SMIM14: variants seen among roughly 807,000 people sequenced by gnomAD.
SMIM14 encodes the protein chromosome 4 open reading frame 34.
SMIM14 carries 5 observed loss-of-function variants against 12.6 expected under a neutral mutation model. That is an observed-to-expected ratio of 0.40 (90% CI 0.21 to 0.83). The LOEUF is 0.83. Among genes scored for constraint, SMIM14 ranks in the 40% least tolerant of loss-of-function variants. The probability of loss-of-function intolerance (pLI) is 0.37; values close to 1 mark genes in which losing one functional copy is unlikely to be tolerated. For synonymous variants in SMIM14, 30 were observed against 40.1 expected, an observed-to-expected ratio of 0.75 and a Z score of 0.95; for missense variants, 86 against 119.1, an observed-to-expected ratio of 0.72 and a Z score of 1.29.
intron 2 of SMIM14, chr4:39,594,719 C>T (rs1714280263): frequency 6.8e-6 from 1 of 147,754 alleles, no homozygotes; most frequent in African/African-American, 2.5e-5. Context: ...AAAAAACAAA[C>T]AACCCCATCA....
At chr4:39,592,214 A>AT (rs1714139666) in intron 2 of SMIM14, among the ~76,000 whole-genome samples, 1 of 151,858 alleles carries the variant, frequency 6.6e-6, no homozygotes, top group Admixed American at 6.6e-5. Context: ...ATAAAGGAAA[A>AT]ATATAGATAG....
At chr4:39,564,820 C>T (rs981751093) in intron 3 of SMIM14, among the ~76,000 whole-genome samples, 2 of 152,140 alleles carry the variant, frequency 1.3e-5, no homozygotes, top group African/African-American at 2.4e-5. Flanking sequence ...CAAGGAACAG[C>T]GAGAACTCCT....
intron 2 of SMIM14, among the ~76,000 whole-genome samples, chr4:39,598,746 T>C (rs1267136474): frequency 6.6e-6 from 1 of 152,182 alleles, no homozygotes; most frequent in African/African-American, 2.4e-5. Flanking sequence ...TTTCAAAACT[T>C]GTTTACAGTT....
chr4:39,561,631 A>C (rs7698470), intron 3 of SMIM14, among the ~76,000 whole-genome samples: 30,075 of 151,786 alleles, frequency 0.2, 3,573 homozygotes, highest in South Asian at 0.42. Flanking sequence ...TCTTTTTTAG[A>C]ATCTCACGCC....
At chr4:39,595,975 A>G (rs569711414) in intron 2 of SMIM14, among the ~76,000 whole-genome samples, 1 of 152,056 alleles carries the variant, frequency 6.6e-6, no homozygotes, top group Non-Finnish European at 1.5e-5. Flanking sequence ...TTTTTAGGTT[A>G]ATTATTTGAG....
In SMIM14 at chr4:39,549,930, A is replaced by G. The variant is rs1173290534; in HGVS notation, c.*2196T>C. The G allele has an allele frequency of 6.6e-6, 1 of 152,074 alleles. No individual in the cohort carries two copies. The highest frequency in any genetic ancestry group is 2.4e-5 in the African/African-American group (1 of 41,456). 9.4% of individuals were successfully genotyped at this position (152,074 alleles called of 1,614,324 possible). A position where few individuals can be genotyped will look rare whatever the true frequency, so the allele number is the denominator to read the frequency against. Reference sequence around the variant, plus strand: ...ATTTAGAGTTGGTTATATTATTTCAAGAAATTGAGCACAAAGCCAGGATGT... The same window carrying G: ...ATTTAGAGTTGGTTATATTATTTCAGGAAATTGAGCACAAAGCCAGGATGT... On this transcript the variant is annotated 3_prime_UTR_variant, in exon 5 of 5. Coordinates refer to ENST00000295958, the MANE Select transcript of SMIM14 (RefSeq NM_174921.3).
intron 2 of SMIM14, among the ~76,000 whole-genome samples, chr4:39,602,146 G>T (rs1226399578): frequency 6.6e-6 from 1 of 151,378 alleles, no homozygotes; most frequent in Non-Finnish European, 1.5e-5. Flanking sequence ...CTACTCAGGA[G>T]ACTGAGGCAG....
At chr4:39,623,823 C>A (rs990629484) in intron 1 of SMIM14, among the ~76,000 whole-genome samples, 3 of 152,150 alleles carry the variant, frequency 2.0e-5, no homozygotes, top group Non-Finnish European at 2.9e-5. Context: ...GATTGCACCA[C>A]TGCACTCCAG....
At chr4:39,591,796 C>T (rs746499026) in intron 2 of SMIM14, among the ~76,000 whole-genome samples, 1 of 152,054 alleles carries the variant, frequency 6.6e-6, no homozygotes, top group South Asian at 2.1e-4. Context: ...AAACTCCTGG[C>T]CTCAAATGAT....
At chr4:39,615,132 G>A (rs991489373) in intron 1 of SMIM14, among the ~76,000 whole-genome samples, 1 of 152,034 alleles carries the variant, frequency 6.6e-6, no homozygotes, top group African/African-American at 2.4e-5. Context: ...ACAGGGTCTT[G>A]CTGTGTTGCC....
chr4:39,588,778 T>C (rs544173870), intron 2 of SMIM14, among the ~76,000 whole-genome samples: 1 of 151,984 alleles, frequency 6.6e-6, no homozygotes, highest in East Asian at 1.9e-4. Context: ...TTTTAATGTA[T>C]TGATATTTTT....
intron 3 of SMIM14, among the ~76,000 whole-genome samples, chr4:39,562,844 A>G (rs1436226444): frequency 7.4e-6 from 1 of 135,162 alleles, no homozygotes; most frequent in East Asian, 2.1e-4. Context: ...GTGTTTTGCC[A>G]TGTTGCCAAG....
chr4:39,555,342 C>T (rs1376449879), intron 4 of SMIM14, among the ~76,000 whole-genome samples: 1 of 152,034 alleles, frequency 6.6e-6, no homozygotes, highest in Non-Finnish European at 1.5e-5. Context: ...AAACGATTCT[C>T]ATGCCTCGGC....
intron 1 of SMIM14, 59 bp from the exon 2 acceptor site, chr4:39,605,239 G>T: frequency 2.1e-6 from 2 of 966,924 alleles, no homozygotes; most frequent in Non-Finnish European, 3.0e-6. Context: ...TTTCTCTTGA[G>T]CTATGAAAAA....
intron 1 of SMIM14, among the ~76,000 whole-genome samples, chr4:39,626,107 C>T (rs1046502966): frequency 2.6e-5 from 4 of 152,022 alleles, no homozygotes; most frequent in Admixed American, 2.6e-4. Flanking sequence ...CTCACTGGAG[C>T]GACTGCATGC....
chr4:39,637,266 A>C (rs961333496), intron 1 of SMIM14, among the ~76,000 whole-genome samples: 2 of 152,148 alleles, frequency 1.3e-5, no homozygotes, highest in African/African-American at 4.8e-5. Context: ...ATTTCGTATA[A>C]CCAAAAATAT....
At position 39,546,767 on chromosome 4, in the gene SMIM14, T is replaced by C. The variant is rs1193486451; in HGVS notation, c.*5359A>G. The C allele has an allele frequency of 1.3e-5, 2 of 152,252 alleles. No individual in the cohort carries two copies. The highest frequency in any genetic ancestry group is 2.9e-5 in the Non-Finnish European group (2 of 68,036). The allele number at this position is 152,252 out of a possible 1,614,324, so 9.4% of individuals were successfully genotyped here. ...AATTGTTATTTCACAAATTTATCTA[T>C]TTTAAATATAACACTGAAGTTATTA... On this transcript the variant is annotated 3_prime_UTR_variant, in exon 5 of 5. Coordinates refer to ENST00000295958, the MANE Select transcript of SMIM14 (RefSeq NM_174921.3).
chr4:39,630,879 AAAAG>A (rs1178901272), intron 1 of SMIM14, among the ~76,000 whole-genome samples: 4 of 152,086 alleles, frequency 2.6e-5, no homozygotes, highest in South Asian at 2.1e-4. Flanking sequence ...AAAAAAAAAA[AAAAG>A]AAAGAAGGAA....
intron 3 of SMIM14, among the ~76,000 whole-genome samples, chr4:39,559,960 T>G (rs1182249655): frequency 1.6e-5 from 2 of 124,422 alleles, no homozygotes; most frequent in African/African-American, 7.7e-5. Context: ...CTACAAAAAA[T>G]TAAAAAAAAA....
Sources: allele counts gnomAD v4.1 joint callset (sites outside exome capture counted in the v4.1 genomes callset), GRCh38; gene constraint gnomAD v4.1.1; transcripts MANE v1.5; gene names NCBI Gene and HGNC (gene_info 2026-07-23, HGNC 2026-07-21).